PLG: variants seen among roughly 807,000 people sequenced by gnomAD.
PLG encodes the protein plasmin.
A neutral mutation model predicts 104.4 loss-of-function variants in PLG; 41 were observed. The ratio of observed to expected loss-of-function variants is 0.39; its 90% CI spans 0.31 to 0.51. PLG has a LOEUF of 0.51. Among genes scored for constraint, PLG ranks in the 20% least tolerant of loss-of-function variants. The pLI, the probability that PLG is intolerant of heterozygous loss-of-function variation, is 0.76. For synonymous variants in PLG, 337 were observed against 357.1 expected (o/e 0.94, Z 0.63); for missense variants, 891 against 1,003.6 (o/e 0.89, Z 1.52).
chr6:160,733,952 C>A, intron 12 of PLG, 43 bp from the exon 13 acceptor site: 1 of 1,033,564 alleles, frequency 9.7e-7, no homozygotes, highest in Non-Finnish European at 1.5e-6. Flanking sequence ...TCTCCCTCTC[C>A]TGCCCCACGT....
chr6:160,702,206 A>T (rs1315055378), upstream of PLG: 2 of 1,350,254 alleles, frequency 1.5e-6, no homozygotes, highest in Non-Finnish European at 2.1e-6. Flanking sequence ...TCATTAACTT[A>T]ATTTGACTAT....
intron 3 of PLG, chr6:160,708,456 G>A (rs1008054437): frequency 9.8e-5 from 15 of 152,522 alleles, no homozygotes; most frequent in Non-Finnish European, 2.0e-4. Flanking sequence ...TGCCTTTTTA[G>A]ATGTGCAAAT....
At chr6:160,728,504 A>G (rs1484256075) in intron 10 of PLG, among the ~76,000 whole-genome samples, 1 of 152,110 alleles carries the variant, frequency 6.6e-6, no homozygotes. Context: ...ACCCAAAGGT[A>G]AAGACCTATA....
chr6:160,729,506 G>A (rs1016356613), intron 10 of PLG, among the ~76,000 whole-genome samples: 3 of 152,220 alleles, frequency 2.0e-5, no homozygotes, highest in South Asian at 2.1e-4. Flanking sequence ...AAAATGAATC[G>A]ATAATTTGTG....
rs373928748 is a variant in PLG, at chr6:160,732,603, G to A, written c.1587+710G>A. 6.6e-6 allele frequency among the ~76,000 whole-genome samples: 1 copy of A among 152,188 alleles called. No individual in the cohort carries two copies. The highest frequency in any genetic ancestry group is 2.4e-5 in the African/African-American group (1 of 41,454). ...AGATGCCAATCCCAAGTTCCAGGCG[G>A]TGACCTGTACTTCTGCCCAACTGGA... On this transcript the variant is annotated intron_variant, in intron 12 of 18. Transcript: ENST00000308192. This position sits in a 1 kb window ranked among gnomAD's most constrained non-coding sequence, Gnocchi z 4.5.
At position 160,739,149 on chromosome 6, in the gene PLG, A is replaced by G. The variant is rs761856716; in HGVS notation, c.1959A>G (p.Glu653=). 1.6e-4 allele frequency: 262 copies of G among 1,614,172 alleles called. 4 individuals carry two copies. The Middle Eastern group carries it at 8.7e-3, about 54-fold the overall frequency. The change falls in exon 16 of 19, where the codon GAA becomes GAG. Residue 653 remains glutamate, a synonymous_variant. Transcript: ENST00000308192. This position sits in a 1 kb window ranked among gnomAD's most constrained non-coding sequence, Gnocchi z 4.4. Reference sequence around the variant, plus strand: ...TCGAACCGCATGTTCAGGAAATAGAAGTGTCTAGGCTGTTCTTGGAGCCCA... The same window carrying G: ...TCGAACCGCATGTTCAGGAAATAGAGGTGTCTAGGCTGTTCTTGGAGCCCA... ...VNLEPHVQEI[E]VSRLFLEPTR...
intron 1 of PLG, among the ~76,000 whole-genome samples, chr6:160,702,721 C>T (rs549504371): frequency 6.6e-6 from 1 of 152,336 alleles, no homozygotes; most frequent in Non-Finnish European, 1.5e-5. Context: ...CGGTGTCATG[C>T]TCCCCTCACT....
At chr6:160,728,757 C>T (rs1777956158) in intron 10 of PLG, among the ~76,000 whole-genome samples, 1 of 152,040 alleles carries the variant, frequency 6.6e-6, no homozygotes, top group African/African-American at 2.4e-5. Flanking sequence ...TGTGCAAAAG[C>T]TCCTAGATCT....
At chr6:160,748,362 A>AAGAAAGAGAGAGAGAGAGAG (rs1289967086) in intron 17 of PLG, among the ~76,000 whole-genome samples, 2 of 37,076 alleles carry the variant, frequency 5.4e-5, no homozygotes, top group African/African-American at 9.4e-5. Flanking sequence ...GAAAGAAAGA[A>AAGAAAGAGAGAGAGAGAGAG]AGAAAGAAAG....
chr6:160,718,392 T>C lies in PLG; in HGVS notation c.886T>C (p.Cys296Arg). ...GGCTGTTACCGTGTCCGGGCACACC[T>C]GTCAGCACTGGAGTGCACAGACCCC... ...NVAVTVSGHT[C>R]QHWSAQTPHT... Residue 296 changes from cysteine to arginine, a missense_variant, in exon 8 of 19, where the codon TGT becomes CGT. Coordinates refer to ENST00000308192, the MANE Select transcript of PLG (RefSeq NM_000301.5). 6.2e-7 allele frequency: 1 copy of C among 1,613,056 alleles called. No homozygotes were observed.
chr6:160,725,312 CTAAA>C lies in PLG; in HGVS notation c.1256+2749_1256+2752del, dbSNP rs1296108142. ...TTAACATATGTAAAAGTAAAAATTT[CTAAA>C]TAATAATAATCACATAAATAATGTA... is the stretch of plus-strand genomic sequence containing the variant. On this transcript the variant is annotated intron_variant, in intron 10 of 18. Transcript: ENST00000308192. This position sits in a 1 kb window ranked among gnomAD's most constrained non-coding sequence, Gnocchi z 6.3. 6.6e-6 allele frequency among the ~76,000 whole-genome samples: 1 copy of C among 151,988 alleles called. No homozygotes were observed. Among genetic ancestry groups the C allele is most frequent in the Non-Finnish European group, 1.5e-5 (1 of 67,976 alleles).
Position 160,726,080 on chromosome 6 carries a change from G to A in PLG, c.1256+3513G>A, listed in dbSNP as rs1374047915. On this transcript the variant is annotated intron_variant, in intron 10 of 18. Coordinates refer to ENST00000308192, the MANE Select transcript of PLG (RefSeq NM_000301.5). The surrounding 1 kb of genome is among the most constrained non-coding windows in gnomAD (Gnocchi z 4.4). Reference sequence around the variant, plus strand: ...ATAGAAAAAATACACAAAAAAATCAGAAAGAATATATATGTTTTAAAGGAA... The same window carrying A: ...ATAGAAAAAATACACAAAAAAATCAAAAAGAATATATATGTTTTAAAGGAA... Among the ~76,000 whole-genome samples the A allele has an allele frequency of 6.6e-6, 1 of 151,986 alleles. No individual in the cohort carries two copies. Among genetic ancestry groups the A allele is most frequent in the African/African-American group, 2.4e-5 (1 of 41,404 alleles).
rs1283119628 is a variant in PLG at position 160,737,705 on chromosome 6, C to T, written c.1802+698C>T. Among the ~76,000 whole-genome samples the T allele has an allele frequency of 6.6e-6, 1 of 152,182 alleles. No individual in the cohort carries two copies. Among genetic ancestry groups the T allele is most frequent in the African/African-American group, 2.4e-5 (1 of 41,438 alleles). On this transcript the variant is annotated intron_variant, in intron 14 of 18. Transcript: ENST00000308192. This position sits in a 1 kb window ranked among gnomAD's most constrained non-coding sequence, Gnocchi z 4.7. ...TCATCTCACTTCTACACGAGGGTGC[C>T]TGTGCTCAATTGCTGTTTTCCCCTA... is the stretch of plus-strand genomic sequence containing the variant.
At chr6:160,720,751 T>G (rs1777816752) in intron 9 of PLG, among the ~76,000 whole-genome samples, 1 of 152,212 alleles carries the variant, frequency 6.6e-6, no homozygotes, top group African/African-American at 2.4e-5. Context: ...CTTGTAAAAT[T>G]CATAGCCATT....
At chr6:160,742,997 A>G (rs988014987) in intron 17 of PLG, among the ~76,000 whole-genome samples, 1 of 133,444 alleles carries the variant, frequency 7.5e-6, no homozygotes, top group African/African-American at 2.8e-5. Context: ...ATTCTGTTCC[A>G]CTGGTCTACG....
chr6:160,752,188 G>C lies in PLG; in HGVS notation c.2199G>C (p.Glu733Asp). 2 of 1,613,674 alleles carry C rather than the reference G, an allele frequency of 1.2e-6. No homozygotes were observed. Among genetic ancestry groups the C allele is most frequent in the Non-Finnish European group, 1.7e-6 (2 of 1,179,578 alleles). Residue 733 changes from glutamate to aspartate, a missense_variant, in exon 18 of 19, where the codon GAG (glutamate) becomes GAC (aspartate). Glu to Asp is a conservative substitution (Grantham distance 45). Transcript: ENST00000308192. This position sits in a 1 kb window ranked among gnomAD's most constrained non-coding sequence, Gnocchi z 4.7. ...AGAATAAAGTGTGCAATCGCTATGA[G>C]TTTCTGAATGGAAGAGTCCAATCCA... ...VIENKVCNRY[E>D]FLNGRVQSTE... is the part of the protein sequence containing the mutation.
chr6:160,714,548 A>G (rs889099734), intron 5 of PLG, among the ~76,000 whole-genome samples: 1 of 152,184 alleles, frequency 6.6e-6, no homozygotes, highest in African/African-American at 2.4e-5. Context: ...CATGACTACA[A>G]TAGTTGAGGG....
At chr6:160,709,385 A>C (rs1254464206) in intron 3 of PLG, among the ~76,000 whole-genome samples, 1 of 152,162 alleles carries the variant, frequency 6.6e-6, no homozygotes, top group Non-Finnish European at 1.5e-5. Context: ...GTAGCTGTAC[A>C]CATGATCTCT....
At position 160,731,538 on chromosome 6, in the gene PLG, C is replaced by T; in HGVS notation, c.1439-207C>T. 6.6e-6 allele frequency among the ~76,000 whole-genome samples: 1 copy of T among 152,118 alleles called. No individual in the cohort carries two copies. On this transcript the variant is annotated intron_variant, in intron 11 of 18. Coordinates refer to ENST00000308192, the MANE Select transcript of PLG (RefSeq NM_000301.5). This position sits in a 1 kb window ranked among gnomAD's most constrained non-coding sequence, Gnocchi z 5.1. ...TCCAAATTCGTATTCTATCATGCTG[C>T]CATATGTGTGATTCTTTCCAAGCCA...
Sources: allele counts gnomAD v4.1 joint callset (sites outside exome capture counted in the v4.1 genomes callset), GRCh38; gene constraint gnomAD v4.1.1; non-coding constraint Gnocchi (gnomAD v3.1); transcripts MANE v1.5; gene names NCBI Gene and HGNC (gene_info 2026-07-23, HGNC 2026-07-21).